NCALD: variants seen among roughly 807,000 people sequenced by gnomAD.
The protein encoded by NCALD is neurocalcin-delta.
NCALD carries 10 observed loss-of-function variants against 18.6 expected under a neutral mutation model. That is an observed-to-expected ratio of 0.54 (90% CI 0.33 to 0.91). The LOEUF (loss-of-function observed/expected upper bound fraction) is 0.91. Among genes scored for constraint, NCALD ranks in the 40% least tolerant of loss-of-function variants. The pLI, the probability that NCALD is intolerant of heterozygous loss-of-function variation, is 0.03. For missense variants in NCALD, 184 were observed against 247.6 expected (o/e 0.74, Z 1.72); for synonymous variants, 88 against 87.4 (o/e 1.01, Z -0.04).
At chr8:101,703,254 T>C (rs1815355090) in intron 2 of NCALD, among the ~76,000 whole-genome samples, 1 of 152,190 alleles carries the variant, frequency 6.6e-6, no homozygotes, top group African/African-American at 2.4e-5. Context: ...ATATTGTAGA[T>C]ATTGTCTTAT....
chr8:101,764,856 A>G (rs1210859326), intron 1 of NCALD, among the ~76,000 whole-genome samples: 3 of 152,206 alleles, frequency 2.0e-5, no homozygotes, highest in African/African-American at 7.2e-5. Flanking sequence ...ACAAAACCAC[A>G]GTCAGAAAGT....
At chr8:101,710,165 G>A (rs1349917570) in intron 2 of NCALD, among the ~76,000 whole-genome samples, 1 of 152,174 alleles carries the variant, frequency 6.6e-6, no homozygotes, top group Non-Finnish European at 1.5e-5. Context: ...CCTGGGAAGT[G>A]CAAGGGGTTG....
chr8:101,859,705 GGAA>G (rs549305902), intron 4 of NCALD, among the ~76,000 whole-genome samples: 5 of 152,106 alleles, frequency 3.3e-5, no homozygotes, highest in Non-Finnish European at 7.4e-5. Context: ...AGAAGTGTGA[GGAA>G]GAAGAATAGA....
intron 2 of NCALD, among the ~76,000 whole-genome samples, chr8:101,990,306 G>A (rs960333651): frequency 6.6e-6 from 1 of 152,184 alleles, no homozygotes; most frequent in Non-Finnish European, 1.5e-5. Context: ...AATGAACCCA[G>A]CTTTGAGGAA....
chr8:101,700,341 A>T (rs1164281274), intron 2 of NCALD, among the ~76,000 whole-genome samples: 1 of 152,212 alleles, frequency 6.6e-6, no homozygotes, highest in Non-Finnish European at 1.5e-5. Context: ...GGCGTGAGCC[A>T]CTGTGCCTGG....
chr8:101,895,494 G>C (rs1470996347), intron 3 of NCALD, among the ~76,000 whole-genome samples: 1 of 151,556 alleles, frequency 6.6e-6, no homozygotes, highest in African/African-American at 2.4e-5. Flanking sequence ...GTTCAATATA[G>C]TGTTGGAAGT....
chr8:101,910,563 G>A (rs562990170), intron 3 of NCALD, among the ~76,000 whole-genome samples: 1 of 152,292 alleles, frequency 6.6e-6, no homozygotes. Flanking sequence ...CCGTAATACA[G>A]AAAGGATGTT....
intron 2 of NCALD, among the ~76,000 whole-genome samples, chr8:101,922,724 G>C (rs1818209760): frequency 6.6e-6 from 1 of 151,982 alleles, no homozygotes; most frequent in Admixed American, 6.6e-5. Context: ...AACCCCAAGT[G>C]GATGCCTAAA....
intron 2 of NCALD, among the ~76,000 whole-genome samples, chr8:101,954,381 CCCT>C (rs1422572450): frequency 2.0e-5 from 3 of 152,106 alleles, no homozygotes; most frequent in South Asian, 2.1e-4. Context: ...GAGCCCGAGG[CCCT>C]CCTCATTTCC....
chr8:101,747,127 G>A (rs1458831745), intron 1 of NCALD, among the ~76,000 whole-genome samples: 1 of 152,146 alleles, frequency 6.6e-6, no homozygotes, highest in South Asian at 2.1e-4. Context: ...ACAGTCTGTT[G>A]GACCCACACC....
At chr8:101,818,040 G>A (rs1156913805) in intron 4 of NCALD, among the ~76,000 whole-genome samples, 1 of 152,136 alleles carries the variant, frequency 6.6e-6, no homozygotes, top group South Asian at 2.1e-4. Context: ...CCAGCTGCTC[G>A]AGAGATGAGG....
At chr8:102,088,271 T>C (rs1448334101) in intron 1 of NCALD, among the ~76,000 whole-genome samples, 2 of 152,202 alleles carry the variant, frequency 1.3e-5, no homozygotes, top group Non-Finnish European at 2.9e-5. Context: ...TTATTCCTGA[T>C]TTAATATCTG....
rs28362495 is a variant in NCALD, at chr8:101,688,103, G to A, written c.*1206C>T. ...ACTGGGAAGTTCCAAGAATGTATGT[G>A]ATGTTTTTTCGAGTCTGCAGAGTAT... On this transcript the variant is annotated 3_prime_UTR_variant, in exon 4 of 4. Coordinates refer to ENST00000220931, the MANE Select transcript of NCALD (RefSeq NM_032041.3). 3,145 of 152,636 alleles carry A rather than the reference G, an allele frequency of 0.021. 93 individuals are homozygous for A. The highest frequency in any genetic ancestry group is 0.11 in the East Asian group (559 of 5,180). The allele number at this position is 152,636 out of a possible 1,614,324, so 9.5% of individuals were successfully genotyped here. A position where few individuals can be genotyped will look rare whatever the true frequency, so the allele number is the denominator to read the frequency against.
At chr8:102,071,969 T>C (rs933032219) in intron 1 of NCALD, among the ~76,000 whole-genome samples, 1 of 152,192 alleles carries the variant, frequency 6.6e-6, no homozygotes, top group African/African-American at 2.4e-5. Flanking sequence ...ATTGACAAGC[T>C]TATTCTGAAA....
chr8:101,698,610 A>T (rs777242820), intron 2 of NCALD, among the ~76,000 whole-genome samples: 14 of 152,104 alleles, frequency 9.2e-5, no homozygotes, highest in South Asian at 2.1e-4. Context: ...GAGAACAGAG[A>T]CCTCAGAAAT....
chr8:101,874,366 T>C (rs930117069), intron 4 of NCALD, among the ~76,000 whole-genome samples: 2 of 152,062 alleles, frequency 1.3e-5, no homozygotes, highest in African/African-American at 2.4e-5. Context: ...ATCACCTATG[T>C]CTAAATATCA....
intron 2 of NCALD, among the ~76,000 whole-genome samples, chr8:102,011,425 G>A (rs1821899635): frequency 6.6e-6 from 1 of 152,192 alleles, no homozygotes; most frequent in Non-Finnish European, 1.5e-5. Flanking sequence ...GGTCTCACTT[G>A]AGAATGTTAA....
At chr8:101,912,964 T>C (rs1047431935) in intron 3 of NCALD, among the ~76,000 whole-genome samples, 1 of 152,240 alleles carries the variant, frequency 6.6e-6, no homozygotes, top group African/African-American at 2.4e-5. Flanking sequence ...CTGTGGGTGA[T>C]TCCTAGGACA....
intron 2 of NCALD, among the ~76,000 whole-genome samples, chr8:102,005,410 G>A (rs375152210): frequency 2.0e-5 from 3 of 152,106 alleles, no homozygotes; most frequent in African/African-American, 7.2e-5. Flanking sequence ...GAAATAGGAA[G>A]ACTTTTACAC....
Sources: allele counts gnomAD v4.1 joint callset (sites outside exome capture counted in the v4.1 genomes callset), GRCh38; gene constraint gnomAD v4.1.1; transcripts MANE v1.5; gene names NCBI Gene and HGNC (gene_info 2026-07-23, HGNC 2026-07-21).